Variants in RABL6 observed in about 807,000 individuals in gnomAD.
The protein encoded by RABL6 is RAB, member RAS oncogene family like 6.
RABL6 carries 28 observed loss-of-function variants against 72.9 expected under a neutral mutation model. The ratio of observed to expected loss-of-function variants is 0.38; its 90% CI spans 0.28 to 0.53. The LOEUF is 0.53. Among genes scored for constraint, RABL6 ranks in the 20% least tolerant of loss-of-function variants. The pLI is 0.80. For synonymous variants in RABL6, 477 were observed against 421.2 expected (o/e 1.13, Z -1.62); for missense variants, 1,029 against 1,008.4 (o/e 1.02, Z -0.28).
chr9:136,818,583 A>C (rs1588351736), intron 1 of RABL6, among the ~76,000 whole-genome samples: 1 of 151,738 alleles, frequency 6.6e-6, no homozygotes, highest in South Asian at 2.1e-4. Flanking sequence ...CTCTACTAAA[A>C]AAAATACAAA....
rs773828438 is a variant in RABL6 at position 136,840,697 on chromosome 9, T to A, written c.*175T>A. The A allele has an allele frequency of 7.7e-6, 12 of 1,548,946 alleles. No individual in the cohort carries two copies. Among genetic ancestry groups the A allele is most frequent in the Non-Finnish European group, 1.0e-5 (12 of 1,146,834 alleles). On this transcript the variant is annotated 3_prime_UTR_variant, in exon 15 of 15. Coordinates refer to ENST00000311502, the MANE Select transcript of RABL6 (RefSeq NM_024718.5). ...GGCTGGGCCCTGCAGGTGCTGGGCCTTCAGGCCCAGTGTGAGCCTGCTCTG... is the reference window on the plus strand; with the variant it reads ...GGCTGGGCCCTGCAGGTGCTGGGCCATCAGGCCCAGTGTGAGCCTGCTCTG...
At chr9:136,821,057 G>C (rs79408048) in intron 1 of RABL6, among the ~76,000 whole-genome samples, 6,723 of 152,326 alleles carry the variant, frequency 0.044, 435 homozygotes, top group African/African-American at 0.14. Flanking sequence ...CTGGCCAGAT[G>C]CCTGGAATGA....
intron 10 of RABL6, 125 bp downstream of exon 10, chr9:136,838,140 A>T: frequency 8.3e-7 from 1 of 1,207,718 alleles, no homozygotes; most frequent in African/African-American, 1.5e-5. Flanking sequence ...CTGTTGGCTG[A>T]GGACAGAGCA....
chr9:136,819,119 G>A (rs1484962668), intron 1 of RABL6, among the ~76,000 whole-genome samples: 3 of 151,964 alleles, frequency 2.0e-5, no homozygotes, highest in Non-Finnish European at 4.4e-5. Flanking sequence ...TCAGGAGATC[G>A]AGACCATCCT....
At chr9:136,823,236 C>G (rs982897038) in intron 1 of RABL6, among the ~76,000 whole-genome samples, 4 of 152,040 alleles carry the variant, frequency 2.6e-5, no homozygotes, top group Admixed American at 2.0e-4. Flanking sequence ...TAGGGCAGAA[C>G]CACGTCCTCC....
intron 1 of RABL6, chr9:136,821,815 G>A: frequency 8.5e-7 from 1 of 1,183,038 alleles, no homozygotes. Context: ...GGAGGGGAAC[G>A]AGGGCCCAGC....
chr9:136,834,094 GTCCTCGC>G, intron 7 of RABL6: 1 of 1,328,788 alleles, frequency 7.5e-7, no homozygotes. Context: ...CAGATCTGAT[GTCCTCGC>G]CTGTCTCAGC....
chr9:136,831,492 A>C lies in RABL6; in HGVS notation c.459-229A>C, dbSNP rs180779980. ...GGCGTTCCAGTGTGGGGTGCGGTCA[A>C]GTACCTGCCGTCAGGGAGAGGGACG... On this transcript the variant is annotated intron_variant, in intron 5 of 14. Transcript: ENST00000311502. 4.9e-3 allele frequency among the ~76,000 whole-genome samples: 743 copies of C among 152,200 alleles called. 6 individuals are homozygous for C. The highest frequency in any genetic ancestry group is 0.017 in the African/African-American group (703 of 41,554).
intron 7 of RABL6, 151 bp from the exon 8 acceptor site, chr9:136,835,591 G>A (rs529043027): frequency 4.4e-5 from 29 of 651,976 alleles, no homozygotes; most frequent in Admixed American, 8.7e-5. Flanking sequence ...GGGGCCCAGC[G>A]CAGAGCTCCA....
rs762544350 is a variant in RABL6, at chr9:136,832,421, C to T, written c.705+51C>T. On this transcript the variant is annotated intron_variant, in intron 7 of 14. Coordinates refer to ENST00000311502, the MANE Select transcript of RABL6 (RefSeq NM_024718.5). ...GTGGCTGCTGGTCTCTCACCTCCTT[C>T]CAGGTGTCTCCTGTGTAGCAACGGG... 5 of 1,391,234 alleles carry T rather than the reference C, an allele frequency of 3.6e-6. No homozygotes were observed. In the Admixed American group the frequency reaches 6.7e-5, roughly 19 times the overall value. 86.2% of individuals were successfully genotyped at this position (1,391,234 alleles called of 1,614,324 possible).
At chr9:136,827,001 C>T (rs1848373697) in intron 3 of RABL6, 1 of 152,466 alleles carries the variant, frequency 6.6e-6, no homozygotes, top group Admixed American at 6.5e-5. Flanking sequence ...TGGGCCCCCC[C>T]TTCCTGGTGG....
At chr9:136,812,451 C>T (rs985403680) in intron 1 of RABL6, among the ~76,000 whole-genome samples, 5 of 152,048 alleles carry the variant, frequency 3.3e-5, no homozygotes, top group Admixed American at 1.3e-4. Context: ...CCCAGCTACT[C>T]GGGAGGCTGA....
chr9:136,841,063 T>TG lies in RABL6; in HGVS notation c.*546dup. Reference sequence around the variant, plus strand: ...CAGCATGTGAGGCCTCTCCTGGGAGTGGGGGTTGTGTTTCCCACAGTGGCC... The same window carrying TG: ...CAGCATGTGAGGCCTCTCCTGGGAGTGGGGGGTTGTGTTTCCCACAGTGGCC... On this transcript the variant is annotated 3_prime_UTR_variant, in exon 15 of 15. Coordinates refer to ENST00000311502, the MANE Select transcript of RABL6 (RefSeq NM_024718.5). 17 of 1,414,072 alleles carry TG rather than the reference T, an allele frequency of 1.2e-5. No homozygotes were observed. The highest frequency in any genetic ancestry group is 1.4e-5 in the Non-Finnish European group (15 of 1,085,520). The allele number at this position is 1,414,072 out of a possible 1,614,324, so 87.6% of individuals were successfully genotyped here.
chr9:136,839,315 T>C lies in RABL6; in HGVS notation c.1587T>C (p.Gly529=). 1 of 1,612,248 alleles carries C rather than the reference T, an allele frequency of 6.2e-7. No individual in the cohort carries two copies. The highest frequency in any genetic ancestry group is 1.1e-5 in the South Asian group (1 of 90,984). Residue 529 remains glycine (G), a synonymous_variant, in exon 12 of 15, where the codon GGT becomes GGC. Transcript: ENST00000311502. ...PWPGGVSVRT[G]PEKRSSTRPP... Reference sequence around the variant, plus strand: ...CAGGCGGTGTCTCTGTTCGCACAGGTCCGGAGAAGCGCAGCAGCACCAGGC... The same window carrying C: ...CAGGCGGTGTCTCTGTTCGCACAGGCCCGGAGAAGCGCAGCAGCACCAGGC...
rs1427585308 is a variant in RABL6 at position 136,839,814 on chromosome 9, C to T, written c.1879C>T (p.Leu627Phe). 1.9e-6 allele frequency: 3 copies of T among 1,612,796 alleles called. No individual in the cohort carries two copies. Among genetic ancestry groups the T allele is most frequent in the Non-Finnish European group, 2.5e-6 (3 of 1,179,832 alleles). Residue 627 changes from leucine (L) to phenylalanine (F), a missense_variant, in exon 13 of 15, where the codon CTC becomes TTC. Leu to Phe is a conservative substitution (Grantham distance 22). Around this residue, in one of 2 missense-constraint regions of RABL6, gnomAD observed 595 missense variants for 472.4 expected, o/e 1.26. Coordinates refer to ENST00000311502, the MANE Select transcript of RABL6 (RefSeq NM_024718.5). ...PAFRLKNDSD[L>F]FGLGLEEAGP... ...CTTCAGACTGAAGAATGACTCGGAC[C>T]TCTTCGGGCTGGGGCTGGAGGAGGC...
At position 136,817,016 on chromosome 9, in the gene RABL6, A is replaced by G. The variant is rs967804729; in HGVS notation, c.131-6509A>G. On this transcript the variant is annotated intron_variant, in intron 1 of 14. Transcript: ENST00000311502. ...CTAGTCAAGACTGTATGCCCATGAT[A>G]TGTGCAATTATTATGTCAATTATAA... 2.6e-5 allele frequency among the ~76,000 whole-genome samples: 4 copies of G among 152,238 alleles called. No individual in the cohort carries two copies. In the South Asian group the frequency reaches 8.3e-4, roughly 31 times the overall value.
rs1477657104 is a variant in RABL6 at position 136,826,281 on chromosome 9, G to GC, written c.313+460dup. Among the ~76,000 whole-genome samples, 2 of 152,120 alleles carry GC rather than the reference G, an allele frequency of 1.3e-5. No individual in the cohort carries two copies. The highest frequency in any genetic ancestry group is 4.8e-5 in the African/African-American group (2 of 41,420). On this transcript the variant is annotated intron_variant, in intron 3 of 14. Transcript: ENST00000311502. This position sits in a 1 kb window ranked among gnomAD's most constrained non-coding sequence, Gnocchi z 4.9. ...TGGGGACCGTGGGAGGGCAGCACCAGCCCCCGGGGTGTCCTCGACATCGTT... is the reference window on the plus strand; with the variant it reads ...TGGGGACCGTGGGAGGGCAGCACCAGCCCCCCGGGGTGTCCTCGACATCGTT...
At chr9:136,808,594 G>A (rs1197447088) in intron 1 of RABL6, 1 of 204,820 alleles carries the variant, frequency 4.9e-6, no homozygotes, top group Non-Finnish European at 9.6e-6. Context: ...CTGTGCAGTG[G>A]AGCGGGTCGG....
chr9:136,823,409 G>A, intron 1 of RABL6, 116 bp from the exon 2 acceptor site: 1 of 1,390,512 alleles, frequency 7.2e-7, no homozygotes, highest in Non-Finnish European at 9.7e-7. Flanking sequence ...TCTGATTCTA[G>A]CAAGAAAGAT....
Sources: allele counts gnomAD v4.1 joint callset (sites outside exome capture counted in the v4.1 genomes callset), GRCh38; gene constraint gnomAD v4.1.1; regional missense constraint gnomAD v4.1.1; non-coding constraint Gnocchi (gnomAD v3.1); transcripts MANE v1.5; gene names NCBI Gene and HGNC (gene_info 2026-07-23, HGNC 2026-07-21).